Variants in ABTB2 observed in about 807,000 individuals in gnomAD.
The protein encoded by ABTB2 is ankyrin repeat and BTB domain containing 2.
In ABTB2, 56 loss-of-function variants were observed where a neutral mutation model predicts 104.1. The observed-to-expected ratio is 0.54, with a 90% CI of 0.43 to 0.67. The LOEUF (loss-of-function observed/expected upper bound fraction) is 0.67, where lower values mean the gene tolerates loss of function less well. Ranked by LOEUF, ABTB2 falls within the 30% of genes least tolerant of loss-of-function variation. ABTB2 has a pLI of 0.00. For missense variants in ABTB2, 1,279 were observed against 1,407.7 expected (o/e 0.91, Z 1.46); for synonymous variants, 606 against 608.2 (o/e 1.00, Z 0.05).
intron 1 of ABTB2, among the ~76,000 whole-genome samples, chr11:34,304,376 G>A (rs1209176654): frequency 6.6e-6 from 1 of 152,172 alleles, no homozygotes; most frequent in Non-Finnish European, 1.5e-5. Context: ...CTCCCTAAGG[G>A]CTGGGATTAC....
intron 3 of ABTB2, among the ~76,000 whole-genome samples, chr11:34,188,863 TC>T (rs1565136103): frequency 1.3e-5 from 2 of 152,202 alleles, no homozygotes; most frequent in South Asian, 4.1e-4. Flanking sequence ...GGAAACATTC[TC>T]CCTGCTGCAT....
Position 34,246,916 on chromosome 11 carries a change from C to T in ABTB2, c.884-42226G>A, listed in dbSNP as rs557300049. 7.7e-4 allele frequency among the ~76,000 whole-genome samples: 114 copies of T among 147,652 alleles called. 1 individual carries two copies. Among genetic ancestry groups the T allele is most frequent in the African/African-American group, 2.6e-3 (103 of 39,906 alleles). ...AGGCTGGAGTACAATGGCATGATCT[C>T]GGCTCACCGCAACCTCTGTCTTCCG... On this transcript the variant is annotated intron_variant, in intron 1 of 16. Coordinates refer to ENST00000435224, the MANE Select transcript of ABTB2 (RefSeq NM_145804.3).
At chr11:34,245,655 C>T (rs1228766465) in intron 1 of ABTB2, among the ~76,000 whole-genome samples, 1 of 152,138 alleles carries the variant, frequency 6.6e-6, no homozygotes, top group Non-Finnish European at 1.5e-5. Flanking sequence ...CTGGGTGGCT[C>T]ACGGGGCTGC....
intron 1 of ABTB2, among the ~76,000 whole-genome samples, chr11:34,243,285 A>G (rs1412568207): frequency 6.6e-6 from 1 of 152,106 alleles, no homozygotes; most frequent in African/African-American, 2.4e-5. Flanking sequence ...ATATATATAT[A>G]TATTTTAGAT....
chr11:34,190,448 A>G (rs1187538579), intron 3 of ABTB2, among the ~76,000 whole-genome samples: 2 of 152,078 alleles, frequency 1.3e-5, no homozygotes, highest in Admixed American at 1.3e-4. Context: ...GGTTTTGCTC[A>G]TTTGTTTACT....
At chr11:34,351,699 C>A (rs1012547431) in intron 1 of ABTB2, among the ~76,000 whole-genome samples, 2 of 152,054 alleles carry the variant, frequency 1.3e-5, no homozygotes, top group African/African-American at 4.8e-5. Context: ...ATTGTAGACA[C>A]CATGAGAGGT....
At chr11:34,325,876 G>A (rs545100477) in intron 1 of ABTB2, among the ~76,000 whole-genome samples, 3 of 151,770 alleles carry the variant, frequency 2.0e-5, no homozygotes, top group African/African-American at 7.3e-5. Context: ...ACTTGAACTC[G>A]GGAGGTGGAG....
At chr11:34,209,042 C>G (rs1038457828) in intron 1 of ABTB2, among the ~76,000 whole-genome samples, 1 of 152,168 alleles carries the variant, frequency 6.6e-6, no homozygotes, top group African/African-American at 2.4e-5. Flanking sequence ...TCTAACTATC[C>G]TTTAAGAATA....
intron 1 of ABTB2, among the ~76,000 whole-genome samples, chr11:34,343,315 T>C (rs916944096): frequency 6.6e-6 from 1 of 152,164 alleles, no homozygotes; most frequent in African/African-American, 2.4e-5. Context: ...AGAACAAGGA[T>C]GCTTTTACCA....
chr11:34,231,570 A>C (rs1231785141), intron 1 of ABTB2, among the ~76,000 whole-genome samples: 2 of 152,130 alleles, frequency 1.3e-5, no homozygotes, highest in Non-Finnish European at 2.9e-5. Context: ...TATTCTTCTT[A>C]TTCTTGTTTT....
At chr11:34,165,513 C>T (rs547466897) in intron 7 of ABTB2, among the ~76,000 whole-genome samples, 157 bp from the exon 8 acceptor site, 1 of 152,340 alleles carries the variant, frequency 6.6e-6, no homozygotes, top group South Asian at 2.1e-4. Flanking sequence ...CTTTAGAACT[C>T]CAGGTTATCC....
At chr11:34,308,803 G>A (rs904038818) in intron 1 of ABTB2, among the ~76,000 whole-genome samples, 19 of 146,688 alleles carry the variant, frequency 1.3e-4, no homozygotes, top group East Asian at 4.0e-4. Flanking sequence ...CCCAAGAGGT[G>A]GAAGTTGCAG....
chr11:34,323,127 G>C (rs1015467763), intron 1 of ABTB2, among the ~76,000 whole-genome samples: 2 of 152,074 alleles, frequency 1.3e-5, no homozygotes, highest in South Asian at 4.1e-4. Flanking sequence ...GGCTGGTCTC[G>C]AACTCCTGAC....
chr11:34,310,575 C>T lies in ABTB2; in HGVS notation c.883+46126G>A, dbSNP rs997077610. On this transcript the variant is annotated intron_variant, in intron 1 of 16. Coordinates refer to ENST00000435224, the MANE Select transcript of ABTB2 (RefSeq NM_145804.3). Reference sequence around the variant, plus strand: ...CAGAGCACAGTTCTGACCACATCAACCTCCGCTGCATCCCTCCAGCCTTTA... The same window carrying T: ...CAGAGCACAGTTCTGACCACATCAATCTCCGCTGCATCCCTCCAGCCTTTA... 5.9e-5 allele frequency among the ~76,000 whole-genome samples: 9 copies of T among 152,138 alleles called. No homozygotes were observed. In the South Asian group the frequency reaches 1.9e-3, roughly 32 times the overall value.
intron 1 of ABTB2, among the ~76,000 whole-genome samples, chr11:34,211,060 A>G (rs1272578601): frequency 6.6e-6 from 1 of 152,228 alleles, no homozygotes; most frequent in Non-Finnish European, 1.5e-5. Context: ...AAGTTGAAGC[A>G]TGAATAGTTT....
rs2133133645 is a variant in ABTB2 at position 34,357,414 on chromosome 11, T to G, written c.170A>C (p.Tyr57Ser). Residue 57 changes from tyrosine to serine, a missense_variant, in exon 1 of 17, where the codon TAC becomes TCC. By Grantham distance (144) the Tyr-to-Ser change is moderately radical. Coordinates refer to ENST00000435224, the MANE Select transcript of ABTB2 (RefSeq NM_145804.3). ...QQHRGAAWWCYSGSMNSRHNS... is the reference protein window; with the variant it reads ...QQHRGAAWWCSSGSMNSRHNS... The stretch of plus-strand genomic sequence containing the variant: ...GTGGCGGCTGTTCATGGAGCCGGAG[T>G]AGCACCACCAGGCCGCCCCGCGGTG... 1 of 1,548,472 alleles carries G rather than the reference T, an allele frequency of 6.5e-7. No individual in the cohort carries two copies. The highest frequency in any genetic ancestry group is 8.7e-7 in the Non-Finnish European group (1 of 1,146,174).
rs111551817 is a variant in ABTB2, at chr11:34,239,822, A to G, written c.884-35132T>C. Reference sequence around the variant, plus strand: ...GCAGCTGTCACTCTGCCCCTCCCCCACCTCTTGACAAGGATCCACTGGAGA... The same window carrying G: ...GCAGCTGTCACTCTGCCCCTCCCCCGCCTCTTGACAAGGATCCACTGGAGA... On this transcript the variant is annotated intron_variant, in intron 1 of 16. Transcript: ENST00000435224. Among the ~76,000 whole-genome samples the G allele has an allele frequency of 3.3e-3, 503 of 151,912 alleles. 2 individuals carry two copies. Among genetic ancestry groups the G allele is most frequent in the African/African-American group, 0.012 (485 of 41,418 alleles).
At chr11:34,299,351 G>T (rs570142771) in intron 1 of ABTB2, among the ~76,000 whole-genome samples, 57 of 152,128 alleles carry the variant, frequency 3.7e-4, no homozygotes, top group African/African-American at 1.2e-3. Flanking sequence ...CAAATTGATG[G>T]TTTTTTTTAA....
At chr11:34,162,832 G>A (rs1442109011) in intron 9 of ABTB2, 27 bp from the exon 10 acceptor site, 1 of 1,573,438 alleles carries the variant, frequency 6.4e-7, no homozygotes, top group South Asian at 1.1e-5. Flanking sequence ...GAATGAAGGT[G>A]AGGGCTGAAG....
Sources: allele counts gnomAD v4.1 joint callset (sites outside exome capture counted in the v4.1 genomes callset), GRCh38; gene constraint gnomAD v4.1.1; transcripts MANE v1.5; gene names NCBI Gene and HGNC (gene_info 2026-07-23, HGNC 2026-07-21).